The following GRID1 variants were observed in gnomAD, a reference collection of about 807,000 sequenced individuals.
GRID1 encodes glutamate receptor ionotropic, delta-1.
A neutral mutation model predicts 98.0 loss-of-function variants in GRID1; 28 were observed. The observed-to-expected ratio is 0.29, with a 90% confidence interval of 0.21 to 0.39. The LOEUF (loss-of-function observed/expected upper bound fraction) is 0.39. GRID1 is among the 10% of genes least tolerant of loss of function. The pLI, the probability that GRID1 is intolerant of heterozygous loss-of-function variation, is 1.00. For missense variants in GRID1, 1,111 were observed against 1,340.5 expected, an observed-to-expected ratio of 0.83 and a Z score of 2.67; for synonymous variants, 553 against 538.5, an observed-to-expected ratio of 1.03 and a Z score of -0.37.
chr10:86,305,598 C>A (rs536028746), intron 2 of GRID1, among the ~76,000 whole-genome samples: 1 of 152,140 alleles, frequency 6.6e-6, no homozygotes, highest in Non-Finnish European at 1.5e-5. Flanking sequence ...GGAGTGAGGG[C>A]CTCTGCATGC....
chr10:85,699,394 A>C (rs7900837), intron 12 of GRID1, among the ~76,000 whole-genome samples: 98,298 of 152,094 alleles, frequency 0.65, 32,775 homozygotes, highest in African/African-American at 0.82. Context: ...ATGTTGGATA[A>C]CAGTCATTTA....
At chr10:85,725,401 G>T (rs767573657) in intron 10 of GRID1, among the ~76,000 whole-genome samples, 15 of 152,166 alleles carry the variant, frequency 9.9e-5, no homozygotes, top group Non-Finnish European at 1.9e-4. Flanking sequence ...GCCCTACTAT[G>T]ACCTTAAAAT....
chr10:86,116,838 T>C (rs1844589016), intron 4 of GRID1, among the ~76,000 whole-genome samples: 1 of 152,144 alleles, frequency 6.6e-6, no homozygotes, highest in South Asian at 2.1e-4. Flanking sequence ...AAGCCTTCAA[T>C]CCACCACCAA....
intron 12 of GRID1, among the ~76,000 whole-genome samples, chr10:85,668,062 CTGT>C (rs1388287851): frequency 6.6e-6 from 1 of 152,172 alleles, no homozygotes; most frequent in Non-Finnish European, 1.5e-5. Flanking sequence ...TGTACTGTGG[CTGT>C]TGTTATTATG....
chr10:85,686,840 T>C (rs1394987460), intron 12 of GRID1, among the ~76,000 whole-genome samples: 1 of 152,144 alleles, frequency 6.6e-6, no homozygotes, highest in African/African-American at 2.4e-5. Context: ...GTTAATGAGA[T>C]GTGAACTATG....
In GRID1 at chr10:85,790,107, G is replaced by C. The variant is rs549971859; in HGVS notation, c.1234-60493C>G. On this transcript the variant is annotated intron_variant, in intron 8 of 15. Coordinates refer to ENST00000327946, the MANE Select transcript of GRID1 (RefSeq NM_017551.3). ...AGCCAGGCTGGGACCACTGCTGCAT[G>C]TTCCTGGGTCCACCCACCTCTCCTA... Among the ~76,000 whole-genome samples, 76 of 152,314 alleles carry C rather than the reference G, an allele frequency of 5.0e-4. 1 individual carries two copies. In the South Asian group the frequency reaches 0.015, roughly 31 times the overall value.
intron 8 of GRID1, among the ~76,000 whole-genome samples, chr10:85,753,276 C>A (rs1428858120): frequency 6.6e-6 from 1 of 152,108 alleles, no homozygotes; most frequent in African/African-American, 2.4e-5. Context: ...AATAAGTGGT[C>A]CTTTACTGCA....
chr10:85,732,003 A>G (rs1316359192), intron 8 of GRID1, among the ~76,000 whole-genome samples: 4 of 152,080 alleles, frequency 2.6e-5, no homozygotes, highest in Admixed American at 6.6e-5. Context: ...AAGATACAGA[A>G]TTGGTTCCTA....
At chr10:86,084,399 A>G (rs112544760) in intron 4 of GRID1, among the ~76,000 whole-genome samples, 2 of 152,202 alleles carry the variant, frequency 1.3e-5, no homozygotes, top group African/African-American at 2.4e-5. Flanking sequence ...GAGGTGAAGA[A>G]ATTGGAACCC....
intron 8 of GRID1, among the ~76,000 whole-genome samples, chr10:85,746,145 G>T (rs573568061): frequency 3.3e-5 from 5 of 152,226 alleles, no homozygotes; most frequent in Admixed American, 6.5e-5. Flanking sequence ...AGGTATTCAG[G>T]TTGAAAACCA....
chr10:86,013,691 A>G (rs997043249), intron 4 of GRID1, among the ~76,000 whole-genome samples: 3 of 152,234 alleles, frequency 2.0e-5, no homozygotes, highest in African/African-American at 7.2e-5. Context: ...TACACAGTCC[A>G]TAAGAATTTG....
At chr10:86,219,588 G>A (rs113285692) in intron 2 of GRID1, among the ~76,000 whole-genome samples, 3 of 152,146 alleles carry the variant, frequency 2.0e-5, no homozygotes, top group African/African-American at 7.2e-5. Context: ...CTACAGCCCT[G>A]GTCACGTGTG....
chr10:86,025,934 T>G (rs914276639), intron 4 of GRID1, among the ~76,000 whole-genome samples: 10 of 152,352 alleles, frequency 6.6e-5, no homozygotes, highest in African/African-American at 2.4e-4. Flanking sequence ...CTAAGCTCTG[T>G]GCCTCAGGGT....
intron 4 of GRID1, among the ~76,000 whole-genome samples, chr10:86,134,853 G>A (rs1053835014): frequency 5.9e-5 from 9 of 152,120 alleles, no homozygotes; most frequent in Non-Finnish European, 2.9e-5. Flanking sequence ...TCTGTCTTCC[G>A]TGCTCTTACA....
intron 2 of GRID1, among the ~76,000 whole-genome samples, chr10:86,305,108 G>GAA (rs549747831): frequency 2.5e-4 from 34 of 136,370 alleles, no homozygotes; most frequent in African/African-American, 3.7e-4. Flanking sequence ...AGGGCTTAAG[G>GAA]AAAAAAAAAA....
chr10:85,957,392 A>C (rs929474309), intron 4 of GRID1, among the ~76,000 whole-genome samples: 6 of 152,046 alleles, frequency 3.9e-5, no homozygotes, highest in Non-Finnish European at 8.8e-5. Flanking sequence ...TTGGTCCTCA[A>C]ATTTTTAGAG....
At chr10:86,037,404 G>C (rs982353143) in intron 4 of GRID1, among the ~76,000 whole-genome samples, 4 of 152,204 alleles carry the variant, frequency 2.6e-5, no homozygotes, top group Non-Finnish European at 5.9e-5. Flanking sequence ...TCCAGAAAAG[G>C]ATATAGTAAT....
intron 12 of GRID1, among the ~76,000 whole-genome samples, chr10:85,675,005 T>C (rs568343500): frequency 1.1e-4 from 17 of 152,318 alleles, no homozygotes; most frequent in African/African-American, 3.1e-4. Context: ...TTCAGTGCAC[T>C]ATCAATAGCT....
At chr10:85,892,498 C>A (rs1483474422) in intron 5 of GRID1, among the ~76,000 whole-genome samples, 4 of 151,672 alleles carry the variant, frequency 2.6e-5, no homozygotes, top group Admixed American at 2.0e-4. Context: ...AGAGCTGAGT[C>A]CTCATCAAGG....
Sources: gnomAD v4.1 joint callset for allele counts (sites outside exome capture counted in the v4.1 genomes callset) on GRCh38, gnomAD v4.1.1 for gene constraint, MANE v1.5 for transcripts, NCBI Gene and HGNC (gene_info 2026-07-23, HGNC 2026-07-21) for gene names.